The following MME variants were observed in gnomAD, a reference collection of about 807,000 sequenced individuals.
MME encodes the protein membrane metalloendopeptidase.
MME carries 98 observed loss-of-function variants against 113.2 expected under a neutral mutation model. The observed-to-expected ratio is 0.87, with a 90% CI of 0.74 to 1.02. The LOEUF (loss-of-function observed/expected upper bound fraction) is 1.02, where lower values mean the gene tolerates loss of function less well. Among genes scored for constraint, MME ranks in the 50% least tolerant of loss-of-function variants. MME has a pLI of 0.00. For missense variants in MME, 836 were observed against 896.0 expected (o/e 0.93, Z 0.86); for synonymous variants, 292 against 300.6 (o/e 0.97, Z 0.30).
intron 3 of MME, among the ~76,000 whole-genome samples, chr3:155,094,695 G>A (rs1716580332): frequency 6.6e-6 from 1 of 152,142 alleles, no homozygotes; most frequent in African/African-American, 2.4e-5. Flanking sequence ...TTCAGGCTTT[G>A]AATCAATTAG....
At chr3:155,135,649 T>C (rs1576629114) in intron 8 of MME, among the ~76,000 whole-genome samples, 1 of 152,210 alleles carries the variant, frequency 6.6e-6, no homozygotes, top group Admixed American at 6.6e-5. Context: ...AATTTTAGAA[T>C]TGTTTTTTCT....
At chr3:155,164,844 C>T (rs969810610) in intron 17 of MME, among the ~76,000 whole-genome samples, 1 of 152,074 alleles carries the variant, frequency 6.6e-6, no homozygotes, top group Non-Finnish European at 1.5e-5. Context: ...TTTTTGTTGT[C>T]GTGTCATTTG....
chr3:155,137,139 A>T (rs1190906848), intron 8 of MME, among the ~76,000 whole-genome samples: 1 of 152,212 alleles, frequency 6.6e-6, no homozygotes, highest in Non-Finnish European at 1.5e-5. Context: ...ATGTGAAGAT[A>T]AAATATAAAT....
chr3:155,155,392 G>A (rs946143739), intron 16 of MME, among the ~76,000 whole-genome samples: 3 of 152,008 alleles, frequency 2.0e-5, no homozygotes, highest in Non-Finnish European at 2.9e-5. Context: ...AACATTCAAC[G>A]GTGCACAGTT....
intron 8 of MME, among the ~76,000 whole-genome samples, chr3:155,122,090 T>G (rs1337343839): frequency 8.0e-6 from 1 of 125,428 alleles, no homozygotes; most frequent in African/African-American, 3.0e-5. Context: ...TGCCACAATT[T>G]CAGCTCCTGT....
At chr3:155,033,861 T>C (rs1225712094) in intron 1 of MME, among the ~76,000 whole-genome samples, 1 of 152,146 alleles carries the variant, frequency 6.6e-6, no homozygotes. Flanking sequence ...AAAATGTTGA[T>C]AAAAATCCCA....
At chr3:155,051,160 C>T (rs748070272) in intron 1 of MME, among the ~76,000 whole-genome samples, 1 of 152,124 alleles carries the variant, frequency 6.6e-6, no homozygotes. Flanking sequence ...GTAGTATGCT[C>T]TAGAAGTAAG....
chr3:155,116,419 T>C, intron 4 of MME, 60 bp from the exon 5 acceptor site: 2 of 1,220,234 alleles, frequency 1.6e-6, no homozygotes, highest in Admixed American at 3.4e-5. Context: ...TGAGCAATTA[T>C]GTTTGCATAG....
chr3:155,101,122 G>C (rs933445366), intron 3 of MME, among the ~76,000 whole-genome samples: 3 of 152,120 alleles, frequency 2.0e-5, no homozygotes, highest in African/African-American at 4.8e-5. Context: ...CACGTGAGAT[G>C]CCTGCTCCTC....
chr3:155,107,951 A>T (rs1181725277), intron 3 of MME, among the ~76,000 whole-genome samples: 1 of 152,232 alleles, frequency 6.6e-6, no homozygotes, highest in East Asian at 1.9e-4. Flanking sequence ...CCTTACAGAG[A>T]AAATATGAGC....
intron 8 of MME, among the ~76,000 whole-genome samples, chr3:155,137,508 C>T (rs930505510): frequency 1.3e-5 from 2 of 152,050 alleles, no homozygotes; most frequent in Non-Finnish European, 2.9e-5. Context: ...AGTTTCAGAC[C>T]AGCCTGGCCA....
chr3:155,164,714 A>T (rs1722962791), intron 17 of MME, among the ~76,000 whole-genome samples: 1 of 152,208 alleles, frequency 6.6e-6, no homozygotes, highest in East Asian at 1.9e-4. Context: ...CTTTAACTTA[A>T]TAAAGTACTG....
chr3:155,137,763 G>A (rs1419319095), intron 8 of MME, among the ~76,000 whole-genome samples: 1 of 152,074 alleles, frequency 6.6e-6, no homozygotes, highest in Non-Finnish European at 1.5e-5. Context: ...GAAAAAATTA[G>A]TATATGTTAT....
chr3:155,044,569 G>A (rs901081297), intron 1 of MME, among the ~76,000 whole-genome samples: 1 of 151,870 alleles, frequency 6.6e-6, no homozygotes, highest in Non-Finnish European at 1.5e-5. Context: ...TGCCCAGGCT[G>A]GAGTGCAATG....
intron 3 of MME, among the ~76,000 whole-genome samples, chr3:155,093,453 A>G (rs1002577367): frequency 2.0e-5 from 3 of 152,198 alleles, no homozygotes; most frequent in African/African-American, 7.2e-5. Context: ...GATCAAAGCC[A>G]GACCACTTGG....
chr3:155,117,018 C>A (rs200457703), intron 7 of MME, 32 bp downstream of exon 7: 154 of 1,179,122 alleles, frequency 1.3e-4, no homozygotes, highest in Middle Eastern at 5.0e-4. Flanking sequence ...CTAAAGTTAC[C>A]TTTAAATTGT....
At chr3:155,026,861 T>G (rs1419102051) in intron 1 of MME, among the ~76,000 whole-genome samples, 1 of 152,210 alleles carries the variant, frequency 6.6e-6, no homozygotes, top group African/African-American at 2.4e-5. Context: ...AGAAGCAGGT[T>G]GATGATGTTT....
intron 8 of MME, among the ~76,000 whole-genome samples, chr3:155,123,381 G>A (rs1719320446): frequency 8.5e-6 from 1 of 117,312 alleles, no homozygotes; most frequent in East Asian, 2.7e-4. Context: ...CAATTTGCCA[G>A]TCTGTGTCTT....
chr3:155,081,568 T>A (rs955406535), intron 1 of MME: 1 of 152,190 alleles, frequency 6.6e-6, no homozygotes. Flanking sequence ...AATACAGGTA[T>A]GTTTTTGCGT....
Sources: gnomAD v4.1 joint callset for allele counts (sites outside exome capture counted in the v4.1 genomes callset) on GRCh38, gnomAD v4.1.1 for gene constraint, MANE v1.5 for transcripts, NCBI Gene and HGNC (gene_info 2026-07-23, HGNC 2026-07-21) for gene names.